The following GNA14 variants were observed in gnomAD, a reference collection of about 807,000 sequenced individuals.
GNA14 encodes the protein guanine nucleotide-binding protein subunit alpha-14.
Under a neutral mutation model 42.0 loss-of-function variants are expected in GNA14, and 50 were observed. That is an observed-to-expected ratio of 1.19 (90% confidence interval 0.95 to 1.51). The LOEUF (loss-of-function observed/expected upper bound fraction) is 1.51, where lower values mean the gene tolerates loss of function less well. Among genes scored for constraint, GNA14 ranks in the 40% most tolerant of loss-of-function variants. GNA14 has a pLI of 0.00. For missense variants in GNA14, 473 were observed against 446.2 expected (o/e 1.06, Z -0.54); for synonymous variants, 173 against 163.1 (o/e 1.06, Z -0.46).
At chr9:77,639,116 C>T (rs1824220921) in intron 1 of GNA14, among the ~76,000 whole-genome samples, 1 of 152,148 alleles carries the variant, frequency 6.6e-6, no homozygotes, top group South Asian at 2.1e-4. Flanking sequence ...TGGAAAATAT[C>T]ACATTTTTGT....
intron 1 of GNA14, among the ~76,000 whole-genome samples, chr9:77,627,496 A>G (rs2117994105): frequency 6.6e-6 from 1 of 152,310 alleles, no homozygotes; most frequent in African/African-American, 2.4e-5. Flanking sequence ...AATCCTCAAT[A>G]AAATACTGGC....
chr9:77,569,546 G>C (rs902964928), intron 1 of GNA14, among the ~76,000 whole-genome samples: 2 of 152,170 alleles, frequency 1.3e-5, no homozygotes, highest in African/African-American at 4.8e-5. Context: ...GTCAGAGGGA[G>C]ACAACTCCAC....
chr9:77,583,034 G>C (rs1823250353), intron 1 of GNA14, among the ~76,000 whole-genome samples: 1 of 152,166 alleles, frequency 6.6e-6, no homozygotes, highest in Admixed American at 6.5e-5. Context: ...GAAATTGTCG[G>C]TCAAACTGCA....
At chr9:77,522,330 G>A (rs1236782937) in intron 2 of GNA14, among the ~76,000 whole-genome samples, 1 of 152,146 alleles carries the variant, frequency 6.6e-6, no homozygotes, top group Non-Finnish European at 1.5e-5. Context: ...CTCAGAGCTG[G>A]AACTCTGGGC....
In GNA14 at chr9:77,647,739, C is replaced by T. The variant is rs1824382416; in HGVS notation, c.55G>A (p.Ala19Thr). 6.2e-7 allele frequency: 1 copy of T among 1,609,594 alleles called. No individual in the cohort carries two copies. ...AEEKESQRIS[A>T]EIERQLRRDK... Reference sequence around the variant, plus strand: ...CGACGAAGCTGTCGCTCGATCTCCGCGCTGATGCGCTGCGACTCCTTCTCC... The same window carrying T: ...CGACGAAGCTGTCGCTCGATCTCCGTGCTGATGCGCTGCGACTCCTTCTCC... The change falls in exon 1 of 7, where the codon GCG becomes ACG. Residue 19 changes from alanine (A) to threonine (T), a missense_variant. By Grantham distance (58) the Ala-to-Thr change is moderately conservative. Coordinates refer to ENST00000341700, the MANE Select transcript of GNA14 (RefSeq NM_004297.4).
intron 2 of GNA14, among the ~76,000 whole-genome samples, chr9:77,459,375 C>T (rs1836066267): frequency 6.6e-6 from 1 of 152,134 alleles, no homozygotes; most frequent in African/African-American, 2.4e-5. Flanking sequence ...CCCAGCCTGC[C>T]CTCACCTCAA....
intron 1 of GNA14, among the ~76,000 whole-genome samples, chr9:77,559,464 A>T (rs1401713750): frequency 6.6e-6 from 1 of 152,192 alleles, no homozygotes; most frequent in African/African-American, 2.4e-5. Context: ...CAGGGTGTCT[A>T]CACCCTGACA....
At chr9:77,604,789 A>G (rs959780062) in intron 1 of GNA14, among the ~76,000 whole-genome samples, 2 of 152,240 alleles carry the variant, frequency 1.3e-5, no homozygotes, top group African/African-American at 2.4e-5. Flanking sequence ...GGACCAAACT[A>G]GACAAAAGCA....
chr9:77,551,472 A>C (rs1837785075), intron 1 of GNA14, among the ~76,000 whole-genome samples: 1 of 151,980 alleles, frequency 6.6e-6, no homozygotes. Flanking sequence ...AGGGACTAGA[A>C]AAAGCAGGAC....
intron 1 of GNA14, among the ~76,000 whole-genome samples, chr9:77,589,692 A>G (rs565856553): frequency 1.1e-3 from 164 of 152,276 alleles, no homozygotes; most frequent in African/African-American, 3.7e-3. Context: ...AGGTTGCCTA[A>G]AGCAACCATG....
chr9:77,552,265 G>A (rs1013078417), intron 1 of GNA14, among the ~76,000 whole-genome samples: 19 of 152,188 alleles, frequency 1.2e-4, no homozygotes, highest in African/African-American at 4.3e-4. Flanking sequence ...TCTTTTGGTG[G>A]GGAGTTGGTG....
chr9:77,636,069 C>A (rs932137652), intron 1 of GNA14, among the ~76,000 whole-genome samples: 2 of 152,182 alleles, frequency 1.3e-5, no homozygotes, highest in African/African-American at 4.8e-5. Context: ...CTACTAATGG[C>A]TTACCACTAA....
intron 1 of GNA14, among the ~76,000 whole-genome samples, chr9:77,644,598 G>A (rs1824326280): frequency 6.6e-6 from 1 of 152,140 alleles, no homozygotes; most frequent in South Asian, 2.1e-4. Context: ...TGGACTTCCA[G>A]CTCCATAACT....
At position 77,647,953 on chromosome 9, in the gene GNA14, C is replaced by T; in HGVS notation, c.-160G>A. On this transcript the variant is annotated 5_prime_UTR_variant, in exon 1 of 7. Transcript: ENST00000341700. ...GAGTAAGACGCCTGGACCTCCGAGG[C>T]TCAATCCCCCTTCGAAAGTCGGCTC... 1 of 772,876 alleles carries T rather than the reference C, an allele frequency of 1.3e-6. No homozygotes were observed. Among genetic ancestry groups the T allele is most frequent in the Non-Finnish European group, 2.0e-6 (1 of 497,130 alleles). The allele number at this position is 772,876 out of a possible 1,614,324, so 47.9% of individuals were successfully genotyped here.
intron 2 of GNA14, among the ~76,000 whole-genome samples, chr9:77,435,214 G>A (rs1835624244): frequency 6.6e-6 from 1 of 151,942 alleles, no homozygotes; most frequent in African/African-American, 2.4e-5. Flanking sequence ...AAAATTAGCT[G>A]GGCATGGCGG....
At chr9:77,532,543 T>G (rs982622108) in intron 1 of GNA14, among the ~76,000 whole-genome samples, 2 of 152,214 alleles carry the variant, frequency 1.3e-5, no homozygotes, top group Non-Finnish European at 2.9e-5. Context: ...CCTCACTTGT[T>G]CTAAACAGAA....
At chr9:77,478,254 A>G (rs1247543755) in intron 2 of GNA14, among the ~76,000 whole-genome samples, 1 of 141,118 alleles carries the variant, frequency 7.1e-6, no homozygotes, top group Non-Finnish European at 1.5e-5. Context: ...TTCAATTCCC[A>G]CCTATGAGTG....
At chr9:77,556,336 T>C (rs1822781533) in intron 1 of GNA14, among the ~76,000 whole-genome samples, 1 of 151,982 alleles carries the variant, frequency 6.6e-6, no homozygotes, top group Non-Finnish European at 1.5e-5. Context: ...ATGGCAGATA[T>C]ATGGAGGTAG....
intron 1 of GNA14, among the ~76,000 whole-genome samples, chr9:77,647,221 G>C (rs1824370534): frequency 6.6e-6 from 1 of 152,156 alleles, no homozygotes; most frequent in Admixed American, 6.5e-5. Context: ...ATGCCCTTAA[G>C]AACTTAGCAC....
Sources: allele counts gnomAD v4.1 joint callset (sites outside exome capture counted in the v4.1 genomes callset), GRCh38; gene constraint gnomAD v4.1.1; transcripts MANE v1.5; gene names NCBI Gene and HGNC (gene_info 2026-07-23, HGNC 2026-07-21).